Variants in DDI2 observed in about 807,000 individuals in gnomAD.
DDI2 encodes the protein protein DDI1 homolog 2.
DDI2 carries 5 observed loss-of-function variants against 48.1 expected under a neutral mutation model. That is an observed-to-expected ratio of 0.10 (90% confidence interval 0.05 to 0.22). DDI2 has a LOEUF of 0.22. Ranked by LOEUF, DDI2 falls within the 10% of genes least tolerant of loss-of-function variation. The pLI, the probability that DDI2 is intolerant of heterozygous loss-of-function variation, is 1.00. For synonymous variants in DDI2, 205 were observed against 183.6 expected, an observed-to-expected ratio of 1.12 and a Z score of -0.94; for missense variants, 285 against 506.2, an observed-to-expected ratio of 0.56 and a Z score of 4.19.
intron 1 of DDI2, among the ~76,000 whole-genome samples, chr1:15,626,057 A>G (rs1439701434): frequency 6.6e-6 from 1 of 152,216 alleles, no homozygotes. Context: ...TAGTTAGCAT[A>G]CCCAGAATAA....
rs1416491452 is a variant in DDI2 at position 15,661,279 on chromosome 1, C to T, written c.*1489C>T. The T allele has an allele frequency of 4.3e-6, 7 of 1,614,058 alleles. No individual in the cohort carries two copies. Among genetic ancestry groups the T allele is most frequent in the African/African-American group, 1.3e-5 (1 of 75,032 alleles). ...ATCTAGGGAATCCATAAATAAGAAC[C>T]GTTCTGTCACTGTAACCTCAGCTAA... On this transcript the variant is annotated 3_prime_UTR_variant, in exon 10 of 10. Transcript: ENST00000480945.
rs145936844 is a variant in DDI2, at chr1:15,660,079, C to G, written c.*289C>G. On this transcript the variant is annotated 3_prime_UTR_variant, in exon 10 of 10. Transcript: ENST00000480945. Reference sequence around the variant, plus strand: ...CCAGCTAAACTCTGAAAAGAAAGAACATCTTTCTTTACAAGATCTTTCTGA... The same window carrying G: ...CCAGCTAAACTCTGAAAAGAAAGAAGATCTTTCTTTACAAGATCTTTCTGA... The G allele has an allele frequency of 3.3e-4, 532 of 1,613,940 alleles. 6 individuals carry two copies. The South Asian group carries it at 4.5e-3, about 14-fold the overall frequency.
chr1:15,633,047 C>T (rs1458251182), intron 3 of DDI2, among the ~76,000 whole-genome samples: 3 of 151,518 alleles, frequency 2.0e-5, no homozygotes, highest in East Asian at 1.9e-4. Flanking sequence ...CTTGAACCCC[C>T]ATCCAACAGT....
intron 8 of DDI2, among the ~76,000 whole-genome samples, chr1:15,656,173 A>G (rs1229295282): frequency 6.6e-6 from 1 of 152,128 alleles, no homozygotes; most frequent in African/African-American, 2.4e-5. Context: ...TGAAAAGATA[A>G]GCTAGGATAG....
chr1:15,627,505 T>C (rs1445025492), intron 2 of DDI2, among the ~76,000 whole-genome samples: 1 of 152,184 alleles, frequency 6.6e-6, no homozygotes, highest in Non-Finnish European at 1.5e-5. Context: ...ATAATAGATG[T>C]TTATAGTCTG....
chr1:15,646,260 T>G (rs1557620303), intron 6 of DDI2, among the ~76,000 whole-genome samples: 1 of 152,250 alleles, frequency 6.6e-6, no homozygotes, highest in Non-Finnish European at 1.5e-5. Context: ...GAAGTATTTA[T>G]GACCAGTTCC....
chr1:15,656,806 A>G (rs941686), intron 9 of DDI2, 127 bp downstream of exon 9: 276,175 of 1,334,018 alleles, frequency 0.21, 29,353 homozygotes, highest in Middle Eastern at 0.25. Context: ...TCTGGTTACA[A>G]CTAGCCTATA....
rs143520791 is a variant in DDI2 at position 15,635,438 on chromosome 1, C to T, written c.632+1873C>T. ...ACCCCAGGCCCAAGACGGAGTCTTG[C>T]TCTGTCGCCCAGGCCTGAGTTCAGT... On this transcript the variant is annotated intron_variant, in intron 4 of 9. Coordinates refer to ENST00000480945, the MANE Select transcript of DDI2 (RefSeq NM_032341.5). Among the ~76,000 whole-genome samples, 240 of 152,290 alleles carry T rather than the reference C, an allele frequency of 1.6e-3. 1 individual carries two copies. The highest frequency in any genetic ancestry group is 3.0e-3 in the Non-Finnish European group (202 of 68,022).
Position 15,667,353 on chromosome 1 carries a change from A to T in DDI2, c.*7563A>T, listed in dbSNP as rs983043077. The T allele has an allele frequency of 6.6e-6, 1 of 152,272 alleles. No individual in the cohort carries two copies. Among genetic ancestry groups the T allele is most frequent in the African/African-American group, 2.4e-5 (1 of 41,454 alleles). The allele number at this position is 152,272 out of a possible 1,614,324, so 9.4% of individuals were successfully genotyped here. ...GCCAGGAAAGAAGTGCAACAAATAA[A>T]TGGAAGATGACCCTAAAAATGCACC... is the stretch of plus-strand genomic sequence containing the variant. On this transcript the variant is annotated 3_prime_UTR_variant, in exon 10 of 10. Coordinates refer to ENST00000480945, the MANE Select transcript of DDI2 (RefSeq NM_032341.5).
chr1:15,660,177 A>C lies in DDI2; in HGVS notation c.*387A>C, dbSNP rs1176322795. ...TGCCTATGCAGAATTCATCCGAAGA[A>C]ATAACTGTTGCAGGTAATCTGGAGA... On this transcript the variant is annotated 3_prime_UTR_variant, in exon 10 of 10. Coordinates refer to ENST00000480945, the MANE Select transcript of DDI2 (RefSeq NM_032341.5). 1 of 1,614,126 alleles carries C rather than the reference A, an allele frequency of 6.2e-7. No individual in the cohort carries two copies. The highest frequency in any genetic ancestry group is 8.5e-7 in the Non-Finnish European group (1 of 1,180,044).
chr1:15,646,576 A>G (rs1640095375), intron 6 of DDI2, among the ~76,000 whole-genome samples: 1 of 152,084 alleles, frequency 6.6e-6, no homozygotes, highest in African/African-American at 2.4e-5. Context: ...AATCCCAGCT[A>G]TTCGGGAGGC....
intron 9 of DDI2, 35 bp downstream of exon 9, chr1:15,656,714 G>T (rs1015628563): frequency 1.2e-6 from 2 of 1,612,382 alleles, no homozygotes; most frequent in Non-Finnish European, 1.7e-6. Flanking sequence ...CTTCCATCCA[G>T]TTGTCATCTG....
chr1:15,668,649 A>C lies in DDI2; in HGVS notation c.*8859A>C, dbSNP rs1640487559. On this transcript the variant is annotated 3_prime_UTR_variant, in exon 10 of 10. Coordinates refer to ENST00000480945, the MANE Select transcript of DDI2 (RefSeq NM_032341.5). ...TATATGTTCTTGCAGTTACTCTTGT[A>C]TTGCAAGATTTTCTGACTTTAAGCT... 6.6e-6 allele frequency: 1 copy of C among 152,156 alleles called. No homozygotes were observed. The highest frequency in any genetic ancestry group is 2.1e-4 in the South Asian group (1 of 4,832). 9.4% of individuals were successfully genotyped at this position (152,156 alleles called of 1,614,324 possible). A position where few individuals can be genotyped will look rare whatever the true frequency, so the allele number is the denominator to read the frequency against.
intron 3 of DDI2, 77 bp downstream of exon 3, chr1:15,630,638 C>A (rs1570970601): frequency 1.0e-6 from 1 of 955,052 alleles, no homozygotes; most frequent in East Asian, 2.4e-5. Flanking sequence ...TGAAGAGACT[C>A]AAGCGACACT....
intron 4 of DDI2, chr1:15,633,992 G>C: frequency 2.9e-6 from 1 of 343,324 alleles, no homozygotes; most frequent in Non-Finnish European, 5.7e-6. Flanking sequence ...GGATTAGAGA[G>C]GGCTCTGCGC....
At chr1:15,649,927 G>C (rs1436598460) in intron 7 of DDI2, 104 bp downstream of exon 7, 1 of 1,132,778 alleles carries the variant, frequency 8.8e-7, no homozygotes, top group East Asian at 2.8e-5. Flanking sequence ...AAGAAATAAC[G>C]ACTTTTCAAA....
chr1:15,656,376 T>C, intron 8 of DDI2: 1 of 1,375,262 alleles, frequency 7.3e-7, no homozygotes, highest in Non-Finnish European at 9.4e-7. Context: ...AGAAACAAAA[T>C]TAATTTCTTT....
At chr1:15,656,332 C>G in intron 8 of DDI2, 1 of 1,126,202 alleles carries the variant, frequency 8.9e-7, no homozygotes. Flanking sequence ...CTTTCTTCAC[C>G]TGTCTCACAT....
At chr1:15,635,409 C>A (rs956747783) in intron 4 of DDI2, among the ~76,000 whole-genome samples, 2 of 152,086 alleles carry the variant, frequency 1.3e-5, no homozygotes, top group African/African-American at 4.8e-5. Context: ...CTATTCTCTT[C>A]CCCACCCCAG....
Sources: allele counts gnomAD v4.1 joint callset (sites outside exome capture counted in the v4.1 genomes callset), GRCh38; gene constraint gnomAD v4.1.1; transcripts MANE v1.5; gene names NCBI Gene and HGNC (gene_info 2026-07-23, HGNC 2026-07-21).